Variants in BCAS3 observed in about 807,000 individuals in gnomAD.
BCAS3 encodes the protein BCAS4/BCAS3 fusion.
A neutral mutation model predicts 116.1 loss-of-function variants in BCAS3; 53 were observed. That is an observed-to-expected ratio of 0.46 (90% CI 0.37 to 0.57). The LOEUF is 0.57. Ranked by LOEUF, BCAS3 falls within the 20% of genes least tolerant of loss-of-function variation. The pLI is 0.00. For synonymous variants in BCAS3, 391 were observed against 408.2 expected, an observed-to-expected ratio of 0.96 and a Z score of 0.51; for missense variants, 917 against 1,165.4, an observed-to-expected ratio of 0.79 and a Z score of 3.10.
chr17:60,726,510 A>ATT (rs1157371227), intron 5 of BCAS3, among the ~76,000 whole-genome samples: 5 of 129,638 alleles, frequency 3.9e-5, no homozygotes, highest in Admixed American at 7.8e-5. Flanking sequence ...AGAGGGAGGA[A>ATT]TTTTTTTTTT....
At chr17:60,911,115 T>C (rs1307336890) in intron 12 of BCAS3, among the ~76,000 whole-genome samples, 3 of 76,754 alleles carry the variant, frequency 3.9e-5, no homozygotes, top group African/African-American at 1.8e-4. Context: ...TTTTTTCTTT[T>C]TTTCTTTCTT....
intron 22 of BCAS3, among the ~76,000 whole-genome samples, chr17:61,312,051 G>T (rs963261101): frequency 6.6e-6 from 1 of 152,200 alleles, no homozygotes; most frequent in Non-Finnish European, 1.5e-5. Flanking sequence ...TGTCCTATTA[G>T]AAACAAAACA....
intron 22 of BCAS3, among the ~76,000 whole-genome samples, chr17:61,110,482 G>A (rs1447337397): frequency 2.6e-5 from 4 of 152,212 alleles, no homozygotes; most frequent in Admixed American, 1.3e-4. Flanking sequence ...AAGGGGTGAC[G>A]GACGCACCTG....
chr17:60,773,287 CTTTTT>C (rs1210680882), intron 6 of BCAS3, among the ~76,000 whole-genome samples: 4 of 91,996 alleles, frequency 4.3e-5, no homozygotes, highest in Admixed American at 3.5e-4. Flanking sequence ...TCTTCAGGTC[CTTTTT>C]TTTTTTTTTT....
At chr17:61,033,024 T>C (rs2066756161) in intron 16 of BCAS3, among the ~76,000 whole-genome samples, 2 of 152,182 alleles carry the variant, frequency 1.3e-5, no homozygotes, top group African/African-American at 4.8e-5. Context: ...GGAAATAAGA[T>C]GTCTGAGAGA....
Position 61,313,489 on chromosome 17 carries a change from T to G in BCAS3, c.2426-54838T>G, listed in dbSNP as rs924298602. Among the ~76,000 whole-genome samples, 3 of 152,216 alleles carry G rather than the reference T, an allele frequency of 2.0e-5. No homozygotes were observed. Among genetic ancestry groups the G allele is most frequent in the African/African-American group, 7.2e-5 (3 of 41,462 alleles). On this transcript the variant is annotated intron_variant, in intron 22 of 23. Transcript: ENST00000407086. The surrounding 1 kb of genome is among the most constrained non-coding windows in gnomAD (Gnocchi z 4.3). ...AGAGCGGGTAAGAGTAGAAAAGAAT[T>G]GCTGATCTCAAGCATTTTGTTACCA...
intron 7 of BCAS3, among the ~76,000 whole-genome samples, chr17:60,823,477 T>C (rs2050128797): frequency 6.6e-6 from 1 of 152,032 alleles, no homozygotes; most frequent in South Asian, 2.1e-4. Context: ...GGTAGGAATA[T>C]CACTTGAGCC....
intron 7 of BCAS3, among the ~76,000 whole-genome samples, chr17:60,836,510 T>G (rs1268783175): frequency 1.3e-5 from 2 of 152,080 alleles, no homozygotes; most frequent in Non-Finnish European, 2.9e-5. Flanking sequence ...TTGCGTTCCT[T>G]CTTTAATAAT....
At chr17:60,767,702 C>G (rs9905181) in intron 6 of BCAS3, among the ~76,000 whole-genome samples, 41,448 of 151,750 alleles carry the variant, frequency 0.27, 11,306 homozygotes, top group African/African-American at 0.71. Context: ...TCCTTTGGAG[C>G]TTTCTTATTT....
intron 6 of BCAS3, among the ~76,000 whole-genome samples, chr17:60,777,658 C>T (rs1177582573): frequency 6.6e-6 from 1 of 151,934 alleles, no homozygotes; most frequent in Non-Finnish European, 1.5e-5. Context: ...AACTTAAAAA[C>T]TCACAGGTTA....
In BCAS3 at chr17:60,747,184, C is replaced by T. The variant is rs1431245596; in HGVS notation, c.322-14C>T. On this transcript the variant is annotated splice_polypyrimidine_tract_variant and intron_variant, in intron 5 of 23. Coordinates refer to ENST00000407086, the MANE Select transcript of BCAS3 (RefSeq NM_017679.5). ...ATTTTCCCACTGAAATATTTTCTTT[C>T]TTCTCTTATGCAGATCAGTGGTGAA... is the stretch of plus-strand genomic sequence containing the variant. 2 of 1,569,606 alleles carry T rather than the reference C, an allele frequency of 1.3e-6. No homozygotes were observed. The highest frequency in any genetic ancestry group is 8.7e-7 in the Non-Finnish European group (1 of 1,144,810).
chr17:61,243,101 G>A lies in BCAS3; in HGVS notation c.2426-125226G>A, dbSNP rs1297816243. Among the ~76,000 whole-genome samples, 2 of 152,010 alleles carry A rather than the reference G, an allele frequency of 1.3e-5. No homozygotes were observed. Among genetic ancestry groups the A allele is most frequent in the African/African-American group, 2.4e-5 (1 of 41,374 alleles). On this transcript the variant is annotated intron_variant, in intron 22 of 23. Transcript: ENST00000407086. This position sits in a 1 kb window ranked among gnomAD's most constrained non-coding sequence, Gnocchi z 5.6. ...TAATTTTTGTATTTTTAGTAGAGAT[G>A]GGGTTTCACCATGTTGGCCAAGATG...
chr17:60,935,008 A>G (rs909038963), intron 13 of BCAS3, among the ~76,000 whole-genome samples: 2 of 152,096 alleles, frequency 1.3e-5, no homozygotes, highest in Non-Finnish European at 2.9e-5. Context: ...CAATACAAAA[A>G]TCAGCCGGGT....
At chr17:60,898,351 T>C (rs543450067) in intron 10 of BCAS3, among the ~76,000 whole-genome samples, 74 of 152,368 alleles carry the variant, frequency 4.9e-4, no homozygotes, top group Non-Finnish European at 7.8e-4. Flanking sequence ...ACATTTACTT[T>C]CGTAGAGGAC....
chr17:61,085,250 C>T (rs1229701307), intron 22 of BCAS3, among the ~76,000 whole-genome samples: 1 of 152,120 alleles, frequency 6.6e-6, no homozygotes, highest in African/African-American at 2.4e-5. Flanking sequence ...TGATGCCTTG[C>T]TTTATAGTGC....
intron 12 of BCAS3, among the ~76,000 whole-genome samples, chr17:60,914,302 C>A (rs1239053185): frequency 2.0e-5 from 3 of 152,076 alleles, no homozygotes; most frequent in Non-Finnish European, 4.4e-5. Flanking sequence ...GAAGATTCTT[C>A]CAAAAGTATC....
intron 10 of BCAS3, among the ~76,000 whole-genome samples, chr17:60,900,527 T>C (rs780923509): frequency 4.6e-5 from 7 of 152,218 alleles, no homozygotes; most frequent in Non-Finnish European, 7.4e-5. Context: ...GTGTTTCCTG[T>C]TAGTTCTCTG....
intron 6 of BCAS3, among the ~76,000 whole-genome samples, chr17:60,798,495 G>A (rs138495429): frequency 4.9e-4 from 74 of 152,270 alleles, no homozygotes; most frequent in African/African-American, 1.5e-3. Flanking sequence ...TGAGCAATAT[G>A]CATTTAACAT....
At chr17:61,335,845 A>G (rs1285389276) in intron 22 of BCAS3, among the ~76,000 whole-genome samples, 1 of 152,260 alleles carries the variant, frequency 6.6e-6, no homozygotes, top group Non-Finnish European at 1.5e-5. Flanking sequence ...ATAAACTCCA[A>G]TCTGGCCAAA....
Sources: gnomAD v4.1 joint callset for allele counts (sites outside exome capture counted in the v4.1 genomes callset) on GRCh38, gnomAD v4.1.1 for gene constraint, Gnocchi (gnomAD v3.1) non-coding constraint, MANE v1.5 for transcripts, NCBI Gene and HGNC (gene_info 2026-07-23, HGNC 2026-07-21) for gene names.